Variants in STAP1 observed in about 807,000 individuals in gnomAD.
STAP1 encodes the protein signal transducing adaptor family member 1.
STAP1 carries 30 observed loss-of-function variants against 37.8 expected under a neutral mutation model. That is an observed-to-expected ratio of 0.79 (90% CI 0.59 to 1.08). STAP1 has a LOEUF of 1.08. STAP1 is among the 50% of genes least tolerant of loss of function. The pLI is 0.00. For missense variants in STAP1, 357 were observed against 349.4 expected, an observed-to-expected ratio of 1.02 and a Z score of -0.17; for synonymous variants, 130 against 116.0, an observed-to-expected ratio of 1.12 and a Z score of -0.78.
intron 1 of STAP1, among the ~76,000 whole-genome samples, chr4:67,564,788 C>T (rs1727428710): frequency 6.6e-6 from 1 of 152,134 alleles, no homozygotes; most frequent in Admixed American, 6.5e-5. Flanking sequence ...TGGCATGTGC[C>T]TGTAATCCCA....
chr4:67,596,155 G>A (rs376065386), intron 8 of STAP1, among the ~76,000 whole-genome samples: 17 of 152,174 alleles, frequency 1.1e-4, no homozygotes, highest in East Asian at 9.7e-4. Context: ...TCATGGGGCC[G>A]GTTTGCCCCA....
At chr4:67,588,170 C>G (rs1197282897) in intron 6 of STAP1, among the ~76,000 whole-genome samples, 1 of 146,882 alleles carries the variant, frequency 6.8e-6, no homozygotes, top group Non-Finnish European at 1.5e-5. Context: ...AAAAGCAGAA[C>G]AAAACAGAAT....
chr4:67,588,707 C>A (rs1728054129), intron 6 of STAP1, among the ~76,000 whole-genome samples: 1 of 152,164 alleles, frequency 6.6e-6, no homozygotes, highest in Admixed American at 6.5e-5. Flanking sequence ...CTGCGCCCGG[C>A]CAATATGATG....
Position 67,574,318 on chromosome 4 carries a change from A to G in STAP1, c.193-1067A>G, listed in dbSNP as rs547699776. On this transcript the variant is annotated intron_variant, in intron 2 of 8. Coordinates refer to ENST00000265404, the MANE Select transcript of STAP1 (RefSeq NM_012108.4). The stretch of plus-strand genomic sequence containing the variant: ...CATAATTTGACAAATGGAGATTTAA[A>G]TGGTATTTAAATCTGCTCTTTCCAT... Among the ~76,000 whole-genome samples the G allele has an allele frequency of 1.2e-4, 19 of 152,212 alleles. No individual in the cohort carries two copies. In the East Asian group the frequency reaches 3.3e-3, roughly 26 times the overall value.
At chr4:67,573,097 G>A (rs999188599) in intron 2 of STAP1, among the ~76,000 whole-genome samples, 1 of 151,878 alleles carries the variant, frequency 6.6e-6, no homozygotes, top group Admixed American at 6.6e-5. Context: ...TCTTACAAAA[G>A]GGAAGAATTT....
At chr4:67,559,724 A>G (rs1156436060) in intron 1 of STAP1, among the ~76,000 whole-genome samples, 1 of 152,134 alleles carries the variant, frequency 6.6e-6, no homozygotes, top group Non-Finnish European at 1.5e-5. Context: ...ATGAAATTGT[A>G]TACTGACTAA....
chr4:67,585,878 GA>G (rs1727968784), intron 6 of STAP1, among the ~76,000 whole-genome samples: 1 of 152,106 alleles, frequency 6.6e-6, no homozygotes, highest in Non-Finnish European at 1.5e-5. Flanking sequence ...CAGGATTTAC[GA>G]AATTGTGTAT....
At chr4:67,559,448 T>C (rs1727284778) in intron 1 of STAP1, among the ~76,000 whole-genome samples, 1 of 152,130 alleles carries the variant, frequency 6.6e-6, no homozygotes, top group Non-Finnish European at 1.5e-5. Flanking sequence ...TATATAGTTA[T>C]GTGTTCTAAA....
chr4:67,575,264 C>T, intron 2 of STAP1, 121 bp from the exon 3 acceptor site: 1 of 605,632 alleles, frequency 1.7e-6, no homozygotes, highest in Non-Finnish European at 2.7e-6. Context: ...ATTAGGAAAA[C>T]CAGGATATCA....
At chr4:67,598,926 C>T (rs10011362) in intron 8 of STAP1, among the ~76,000 whole-genome samples, 19,920 of 152,028 alleles carry the variant, frequency 0.13, 2,496 homozygotes, top group African/African-American at 0.33. Flanking sequence ...GGTAATGAAG[C>T]GATGCTGAAT....
chr4:67,578,474 G>A (rs11725922), intron 4 of STAP1, among the ~76,000 whole-genome samples: 29,835 of 152,058 alleles, frequency 0.2, 3,276 homozygotes, highest in Middle Eastern at 0.28. Flanking sequence ...GAAGTTATAT[G>A]AGGCTAGAAA....
chr4:67,568,544 T>A (rs1165963487), intron 1 of STAP1, among the ~76,000 whole-genome samples: 2 of 152,186 alleles, frequency 1.3e-5, no homozygotes, highest in African/African-American at 4.8e-5. Context: ...CTTAATTGAA[T>A]GAAATGGGAG....
At position 67,561,616 on chromosome 4, in the gene STAP1, A is replaced by G. The variant is rs369574391; in HGVS notation, c.120+2687A>G. Among the ~76,000 whole-genome samples the G allele has an allele frequency of 5.9e-5, 9 of 152,232 alleles. No individual in the cohort carries two copies. In the East Asian group the frequency reaches 1.5e-3, roughly 26 times the overall value. ...ACACATAATCTTTATGGAAAAGATA[A>G]TGTGGGAAGATTTATTTAAGCCACA... On this transcript the variant is annotated intron_variant, in intron 1 of 8. Coordinates refer to ENST00000265404, the MANE Select transcript of STAP1 (RefSeq NM_012108.4).
At chr4:67,601,586 G>T (rs903632179) in intron 8 of STAP1, among the ~76,000 whole-genome samples, 1 of 152,120 alleles carries the variant, frequency 6.6e-6, no homozygotes, top group African/African-American at 2.4e-5. Flanking sequence ...AGGAAAGTAT[G>T]TCTCCTCCAT....
chr4:67,604,777 T>C (rs566151288), intron 8 of STAP1, among the ~76,000 whole-genome samples: 1 of 152,174 alleles, frequency 6.6e-6, no homozygotes, highest in Admixed American at 6.5e-5. Flanking sequence ...CTCTGGTGCA[T>C]TTTTTAAAAG....
chr4:67,597,817 C>T (rs1354299235), intron 8 of STAP1, among the ~76,000 whole-genome samples: 1 of 152,192 alleles, frequency 6.6e-6, no homozygotes. Flanking sequence ...GCCTGTACCC[C>T]CATTGTATCT....
Position 67,566,001 on chromosome 4 carries a change from T to C in STAP1, c.121-5083T>C, listed in dbSNP as rs1164905033. 3.8e-5 allele frequency among the ~76,000 whole-genome samples: 5 copies of C among 132,642 alleles called. No individual in the cohort carries two copies. The Admixed American group carries it at 4.6e-4, about 12-fold the overall frequency. 87.0% of individuals were successfully genotyped at this position (132,642 alleles called of 152,430 possible). Reference sequence around the variant, plus strand: ...TCTTTCTCTGTCGCCCAGTCTAGAGTGCAGTGGCGCGATCTCTGCTCACTG... The same window carrying C: ...TCTTTCTCTGTCGCCCAGTCTAGAGCGCAGTGGCGCGATCTCTGCTCACTG... On this transcript the variant is annotated intron_variant, in intron 1 of 8. Coordinates refer to ENST00000265404, the MANE Select transcript of STAP1 (RefSeq NM_012108.4).
intron 6 of STAP1, among the ~76,000 whole-genome samples, chr4:67,584,595 G>A (rs916025345): frequency 1.1e-4 from 16 of 152,192 alleles, no homozygotes; most frequent in African/African-American, 3.9e-4. Context: ...TTTATTGACT[G>A]ATTTAAGCAG....
In STAP1 at chr4:67,571,149, T is replaced by C. The variant is rs775890704; in HGVS notation, c.186T>C (p.Ser62=). The C allele has an allele frequency of 3.1e-6, 5 of 1,598,426 alleles. No homozygotes were observed. The Admixed American group carries it at 8.3e-5, about 27-fold the overall frequency. The change falls in exon 2 of 9, where the codon AGT becomes AGC. Residue 62 remains serine, a synonymous_variant. Transcript: ENST00000265404. ...TTLFFYTDKK[S]IIYVDKLDIV... ...TTTTCTTTTATACCGACAAAAAGAGTATAATAGTAAGTAAATATGTTGAGC... is the reference window on the plus strand; with the variant it reads ...TTTTCTTTTATACCGACAAAAAGAGCATAATAGTAAGTAAATATGTTGAGC...
Sources: gnomAD v4.1 joint callset for allele counts (sites outside exome capture counted in the v4.1 genomes callset) on GRCh38, gnomAD v4.1.1 for gene constraint, MANE v1.5 for transcripts, NCBI Gene and HGNC (gene_info 2026-07-23, HGNC 2026-07-21) for gene names.